Variants in METAP2 observed in about 807,000 individuals in gnomAD.
METAP2 encodes methionine aminopeptidase 2.
Under a neutral mutation model 59.4 loss-of-function variants are expected in METAP2, and 25 were observed. That is an observed-to-expected ratio of 0.42 (90% CI 0.31 to 0.59). The LOEUF is 0.59. Among genes scored for constraint, METAP2 ranks in the 20% least tolerant of loss-of-function variants. METAP2 has a pLI of 0.16. For synonymous variants in METAP2, 214 were observed against 194.1 expected (o/e 1.10, Z -0.85); for missense variants, 366 against 581.2 (o/e 0.63, Z 3.81).
chr12:95,485,846 T>C, intron 3 of METAP2, 33 bp from the exon 4 acceptor site: 1 of 1,359,180 alleles, frequency 7.4e-7, no homozygotes, highest in Non-Finnish European at 1.0e-6. Context: ...TATTTTTAAC[T>C]ACAGAAGTTA....
chr12:95,499,376 A>G (rs546709604), intron 7 of METAP2, among the ~76,000 whole-genome samples: 41 of 152,272 alleles, frequency 2.7e-4, no homozygotes, highest in African/African-American at 9.6e-4. Flanking sequence ...TCTGGCCTCA[A>G]GCAGTCCTCC....
chr12:95,474,401 G>T (rs1364357428), intron 1 of METAP2, 71 bp downstream of exon 1: 1 of 1,545,576 alleles, frequency 6.5e-7, no homozygotes, highest in African/African-American at 1.4e-5. Flanking sequence ...GCCCGTTGAG[G>T]GGGCCGGGAC....
rs1565781294 is a variant in METAP2 at position 95,496,724 on chromosome 12, C to A, written c.867+626C>A. 1.3e-5 allele frequency among the ~76,000 whole-genome samples: 2 copies of A among 151,772 alleles called. 1 individual carries two copies. Among genetic ancestry groups the A allele is most frequent in the South Asian group, 4.2e-4 (2 of 4,812 alleles). On this transcript the variant is annotated intron_variant, in intron 7 of 10. Coordinates refer to ENST00000323666, the MANE Select transcript of METAP2 (RefSeq NM_006838.4). Reference sequence around the variant, plus strand: ...TCTGTCCACCAAACTCTGGTACAGCCCAGCTTTTCCCCACCCACTCAAATT... The same window carrying A: ...TCTGTCCACCAAACTCTGGTACAGCACAGCTTTTCCCCACCCACTCAAATT...
intron 4 of METAP2, among the ~76,000 whole-genome samples, chr12:95,488,399 C>G (rs1403362951): frequency 6.6e-6 from 1 of 150,658 alleles, no homozygotes; most frequent in African/African-American, 2.5e-5. Context: ...ATCCCAGCTA[C>G]TCGGGGGGCT....
chr12:95,511,564 G>C (rs2076403121), intron 8 of METAP2, among the ~76,000 whole-genome samples: 1 of 151,896 alleles, frequency 6.6e-6, no homozygotes, highest in Non-Finnish European at 1.5e-5. Context: ...GCGAATTTTT[G>C]TATTTGTAGT....
intron 4 of METAP2, among the ~76,000 whole-genome samples, chr12:95,490,955 C>T (rs1231045845): frequency 2.6e-5 from 4 of 152,176 alleles, no homozygotes; most frequent in Non-Finnish European, 4.4e-5. Flanking sequence ...ACATTTTTGA[C>T]AGAGGTATAA....
intron 3 of METAP2, among the ~76,000 whole-genome samples, chr12:95,485,564 C>G (rs927194368): frequency 1.3e-5 from 2 of 151,936 alleles, no homozygotes; most frequent in Non-Finnish European, 2.9e-5. Flanking sequence ...TTTGTGAAAG[C>G]CAACCTCTCT....
At chr12:95,498,320 T>C (rs2076290450) in intron 7 of METAP2, among the ~76,000 whole-genome samples, 1 of 152,206 alleles carries the variant, frequency 6.6e-6, no homozygotes, top group African/African-American at 2.4e-5. Flanking sequence ...TTAGGAATTC[T>C]GTATAGATTC....
chr12:95,506,131 C>T (rs1332504503), intron 8 of METAP2, among the ~76,000 whole-genome samples: 1 of 151,916 alleles, frequency 6.6e-6, no homozygotes, highest in African/African-American at 2.4e-5. Context: ...CCTCTGTTGT[C>T]CAGGCTGGAG....
rs371034103 is a variant in METAP2, at chr12:95,513,983, T to C, written c.*79T>C. On this transcript the variant is annotated 3_prime_UTR_variant, in exon 11 of 11. Transcript: ENST00000323666. ...ATGATACCAGAATTAATTTGCCACA[T>C]GTTGTCTGTTTTAACAGTGGACCCA... The C allele has an allele frequency of 3.4e-5, 50 of 1,480,364 alleles. 1 individual carries two copies. The East Asian group carries it at 6.6e-4, about 20-fold the overall frequency. 91.7% of individuals were successfully genotyped at this position (1,480,364 alleles called of 1,614,324 possible). A position where few individuals can be genotyped will look rare whatever the true frequency, so the allele number is the denominator to read the frequency against.
intron 8 of METAP2, among the ~76,000 whole-genome samples, chr12:95,504,484 T>C (rs1204325668): frequency 6.6e-6 from 1 of 152,196 alleles, no homozygotes; most frequent in African/African-American, 2.4e-5. Flanking sequence ...TGATTTTTTT[T>C]GTTGTTGTTT....
rs1381116153 is a variant in METAP2, at chr12:95,514,130, T to A, written c.*226T>A. On this transcript the variant is annotated 3_prime_UTR_variant, in exon 11 of 11. Coordinates refer to ENST00000323666, the MANE Select transcript of METAP2 (RefSeq NM_006838.4). ...ATGCTAACTGTTTTTCCCCTTCCTG[T>A]CTAGGAAAATGCTATAAAGCTCAAA... is the stretch of plus-strand genomic sequence containing the variant. 1.9e-6 allele frequency: 1 copy of A among 520,232 alleles called. No individual in the cohort carries two copies. The highest frequency in any genetic ancestry group is 2.0e-5 in the African/African-American group (1 of 51,008). The allele number at this position is 520,232 out of a possible 1,614,324, so 32.2% of individuals were successfully genotyped here.
At chr12:95,486,766 G>A (rs1346602234) in intron 4 of METAP2, among the ~76,000 whole-genome samples, 1 of 152,038 alleles carries the variant, frequency 6.6e-6, no homozygotes, top group Non-Finnish European at 1.5e-5. Flanking sequence ...CAAAGTGCTG[G>A]GATTACAGGC....
chr12:95,483,300 G>T lies in METAP2; in HGVS notation c.325+20G>T. On this transcript the variant is annotated intron_variant, in intron 3 of 10. Transcript: ENST00000323666. ...GAGGACGTTAGTGTCTTAAGTTAAT[G>T]TTAATTGATATATTAGAAGTGTTTA... The T allele has an allele frequency of 1.3e-6, 2 of 1,569,364 alleles. No individual in the cohort carries two copies. Among genetic ancestry groups the T allele is most frequent in the Non-Finnish European group, 1.8e-6 (2 of 1,140,360 alleles).
chr12:95,476,532 A>AAGAGAGAGAGAGAGAGAGAAAGAAAGAG (rs1565773053), intron 2 of METAP2, among the ~76,000 whole-genome samples: 1 of 130,850 alleles, frequency 7.6e-6, no homozygotes, highest in African/African-American at 3.1e-5. Flanking sequence ...GAAAGAAAGA[A>AAGAGAGAGAGAGAGAGAGAAAGAAAGAG]AGAAAGAAAA....
intron 8 of METAP2, among the ~76,000 whole-genome samples, chr12:95,506,622 A>G (rs1457112942): frequency 2.6e-5 from 4 of 151,574 alleles, no homozygotes; most frequent in African/African-American, 9.7e-5. Flanking sequence ...TGATATCAAG[A>G]TATTCTTCCA....
At position 95,494,066 on chromosome 12, in the gene METAP2, G is replaced by T; in HGVS notation, c.439G>T (p.Ala147Ser). 1.2e-6 allele frequency: 2 copies of T among 1,613,798 alleles called. No individual in the cohort carries two copies. The highest frequency in any genetic ancestry group is 1.3e-5 in the African/African-American group (1 of 75,034). Residue 147 changes from alanine (A) to serine (S), a missense_variant, in exon 5 of 11, where the codon GCT becomes TCT. Ala to Ser is a moderately conservative substitution (Grantham distance 99). Around this residue, in one of 4 missense-constraint regions of METAP2, gnomAD observed 177 missense variants for 180.3 expected, o/e 0.98. Transcript: ENST00000323666. ...YPPTQDGRTA[A>S]WRTTSEEKKA... Reference sequence around the variant, plus strand: ...ATGCCCACTCTAAAGGCGAACAGCTGCTTGGAGAACTACAAGTGAAGAAAA... The same window carrying T: ...ATGCCCACTCTAAAGGCGAACAGCTTCTTGGAGAACTACAAGTGAAGAAAA...
chr12:95,499,163 A>G (rs1261182437), intron 7 of METAP2, among the ~76,000 whole-genome samples: 1 of 151,948 alleles, frequency 6.6e-6, no homozygotes, highest in Non-Finnish European at 1.5e-5. Flanking sequence ...TAGTTTTGAG[A>G]CAGGGTCTTG....
chr12:95,507,801 A>T, intron 8 of METAP2, among the ~76,000 whole-genome samples: 1 of 146,270 alleles, frequency 6.8e-6, no homozygotes. Context: ...TTTGAGAGAG[A>T]CTTTTGCTCT....
Sources: allele counts gnomAD v4.1 joint callset (sites outside exome capture counted in the v4.1 genomes callset), GRCh38; gene constraint gnomAD v4.1.1; regional missense constraint gnomAD v4.1.1; transcripts MANE v1.5; gene names NCBI Gene and HGNC (gene_info 2026-07-23, HGNC 2026-07-21).